CTNNA2: variants seen among roughly 807,000 people sequenced by gnomAD.
CTNNA2 encodes catenin alpha 2.
CTNNA2 carries 42 observed loss-of-function variants against 101.0 expected under a neutral mutation model. The ratio of observed to expected loss-of-function variants is 0.42; its 90% CI spans 0.32 to 0.54. The LOEUF is 0.54. CTNNA2 is among the 20% of genes least tolerant of loss of function. CTNNA2 has a pLI of 0.14. For synonymous variants in CTNNA2, 450 were observed against 456.4 expected (o/e 0.99, Z 0.18); for missense variants, 871 against 1,223.1 (o/e 0.71, Z 4.29).
chr2:79,712,317 G>A (rs553651888), intron 2 of CTNNA2, among the ~76,000 whole-genome samples: 7 of 152,090 alleles, frequency 4.6e-5, no homozygotes, highest in African/African-American at 9.7e-5. Context: ...TTGGATTTTC[G>A]TCTCTTCATC....
intron 2 of CTNNA2, among the ~76,000 whole-genome samples, chr2:79,289,212 C>G (rs1675718733): frequency 6.6e-6 from 1 of 152,178 alleles, no homozygotes; most frequent in African/African-American, 2.4e-5. Flanking sequence ...CTCAGTCTCA[C>G]ACAGCTGAGG....
At chr2:79,635,714 A>G (rs577666468) in intron 1 of CTNNA2, among the ~76,000 whole-genome samples, 2 of 150,868 alleles carry the variant, frequency 1.3e-5, no homozygotes, top group South Asian at 4.2e-4. Context: ...ATGTTGGCCA[A>G]ACTGGTCTCT....
chr2:79,289,730 G>A (rs1004324634), intron 2 of CTNNA2, among the ~76,000 whole-genome samples: 4 of 152,164 alleles, frequency 2.6e-5, no homozygotes, highest in Non-Finnish European at 5.9e-5. Context: ...AGGCAATACA[G>A]CAAGACTCCA....
At chr2:79,215,971 A>G (rs143955449) in intron 2 of CTNNA2, among the ~76,000 whole-genome samples, 2,780 of 152,174 alleles carry the variant, frequency 0.018, 131 homozygotes, top group East Asian at 0.16. Flanking sequence ...CTGAGGGGAC[A>G]TGTGGGAGGG....
chr2:79,835,736 A>C (rs923394796), intron 3 of CTNNA2, among the ~76,000 whole-genome samples: 7 of 121,642 alleles, frequency 5.8e-5, no homozygotes, highest in African/African-American at 2.3e-4. Flanking sequence ...GGATTCAAGC[A>C]ATTCTCCTGC....
rs181551302 is a variant in CTNNA2, at chr2:80,592,894, T to A, written c.2189+3409T>A. ...TACCTTCTCACAAAATAAATGTGAA[T>A]TAGTTCATAAATGGTGATGTGACAG... On this transcript the variant is annotated intron_variant, in intron 15 of 18. Coordinates refer to ENST00000402739, the MANE Select transcript of CTNNA2 (RefSeq NM_001282597.3). 1.6e-3 allele frequency among the ~76,000 whole-genome samples: 248 copies of A among 152,306 alleles called. 3 individuals are homozygous for A. Among genetic ancestry groups the A allele is most frequent in the African/African-American group, 5.2e-3 (217 of 41,578 alleles).
chr2:79,408,869 C>A (rs1352362036), intron 4 of CTNNA2, among the ~76,000 whole-genome samples: 1 of 151,502 alleles, frequency 6.6e-6, no homozygotes, highest in Non-Finnish European at 1.5e-5. Context: ...CCTGAGGAAT[C>A]GCCACACTGA....
chr2:80,567,992 C>G (rs886844120), intron 12 of CTNNA2, among the ~76,000 whole-genome samples: 1 of 152,136 alleles, frequency 6.6e-6, no homozygotes, highest in Non-Finnish European at 1.5e-5. Context: ...GAAACACACT[C>G]AGAGTGTGTT....
intron 7 of CTNNA2, among the ~76,000 whole-genome samples, chr2:79,996,640 T>A (rs1203132706): frequency 6.6e-6 from 1 of 152,170 alleles, no homozygotes; most frequent in Non-Finnish European, 1.5e-5. Context: ...AGAGATTTTA[T>A]TCACTTAGCC....
At chr2:79,411,133 G>A (rs565158901) in intron 4 of CTNNA2, among the ~76,000 whole-genome samples, 5 of 152,114 alleles carry the variant, frequency 3.3e-5, no homozygotes, top group Admixed American at 2.6e-4. Flanking sequence ...ATTTCTGTGG[G>A]ATCGGTGGTG....
At chr2:79,663,255 T>G (rs2104538199) in intron 2 of CTNNA2, among the ~76,000 whole-genome samples, 1 of 152,294 alleles carries the variant, frequency 6.6e-6, no homozygotes. Context: ...CCATTCTTAC[T>G]CACTACCTAT....
intron 9 of CTNNA2, among the ~76,000 whole-genome samples, chr2:80,512,608 G>A (rs1688793473): frequency 1.3e-5 from 2 of 152,116 alleles, no homozygotes; most frequent in Non-Finnish European, 2.9e-5. Context: ...GCATTTTAGA[G>A]TGACCTGGTT....
At chr2:80,188,318 T>G (rs1706261764) in intron 7 of CTNNA2, among the ~76,000 whole-genome samples, 1 of 152,182 alleles carries the variant, frequency 6.6e-6, no homozygotes, top group South Asian at 2.1e-4. Context: ...TTTTAGTTTT[T>G]CTTTTTCTTT....
At chr2:79,900,098 TTAAAA>T (rs1684979287) in intron 6 of CTNNA2, among the ~76,000 whole-genome samples, 1 of 152,220 alleles carries the variant, frequency 6.6e-6, no homozygotes, top group African/African-American at 2.4e-5. Flanking sequence ...AGTCCAGTCT[TTAAAA>T]TAAGTATTTA....
chr2:79,887,199 G>A (rs1395097100), intron 6 of CTNNA2, among the ~76,000 whole-genome samples: 1 of 152,132 alleles, frequency 6.6e-6, no homozygotes, highest in Admixed American at 6.5e-5. Context: ...CTGCAGAGTA[G>A]GGAGACAGAT....
At chr2:79,800,357 G>T (rs1348031261) in intron 3 of CTNNA2, among the ~76,000 whole-genome samples, 1 of 152,126 alleles carries the variant, frequency 6.6e-6, no homozygotes, top group Non-Finnish European at 1.5e-5. Flanking sequence ...CTTGCATTGA[G>T]ATATGTACAT....
intron 9 of CTNNA2, 37 bp downstream of exon 9, chr2:80,419,638 A>T: frequency 6.2e-7 from 1 of 1,608,330 alleles, no homozygotes; most frequent in Non-Finnish European, 8.5e-7. Context: ...GAGTTTACCG[A>T]TGGGTTCAAT....
intron 9 of CTNNA2, among the ~76,000 whole-genome samples, chr2:80,467,145 C>A (rs976521710): frequency 6.6e-6 from 1 of 152,058 alleles, no homozygotes; most frequent in African/African-American, 2.4e-5. Flanking sequence ...GTTGTAAGTC[C>A]CACATTAAGA....
intron 9 of CTNNA2, among the ~76,000 whole-genome samples, chr2:80,426,570 C>A (rs1193043614): frequency 1.3e-5 from 2 of 152,172 alleles, no homozygotes; most frequent in Non-Finnish European, 2.9e-5. Context: ...ACAGAGCAGT[C>A]AGAGTGAATT....
Sources: allele counts gnomAD v4.1 joint callset (sites outside exome capture counted in the v4.1 genomes callset), GRCh38; gene constraint gnomAD v4.1.1; transcripts MANE v1.5; gene names NCBI Gene and HGNC (gene_info 2026-07-23, HGNC 2026-07-21).